Variants in REPS1 observed in about 807,000 individuals in gnomAD.
REPS1 encodes RALBP1 associated Eps domain containing 1, also known as ralBP1-associated Eps domain-containing protein 1.
Under a neutral mutation model 100.9 loss-of-function variants are expected in REPS1, and 39 were observed. That is an observed-to-expected ratio of 0.39 (90% confidence interval 0.30 to 0.50). The LOEUF (loss-of-function observed/expected upper bound fraction) is 0.50. Among genes scored for constraint, REPS1 ranks in the 20% least tolerant of loss-of-function variants. The probability of loss-of-function intolerance (pLI) is 0.86; values close to 1 mark genes in which losing one functional copy is unlikely to be tolerated. For missense variants in REPS1, 821 were observed against 968.5 expected (o/e 0.85, Z 2.02); for synonymous variants, 324 against 340.3 (o/e 0.95, Z 0.53).
chr6:138,944,366 G>A (rs1334590316), intron 5 of REPS1, 132 bp downstream of exon 5: 20 of 945,302 alleles, frequency 2.1e-5, no homozygotes, highest in South Asian at 1.7e-4. Context: ...AATGCACAGA[G>A]CAGAATTTTG....
chr6:138,944,750 G>T, intron 4 of REPS1, 128 bp from the exon 5 acceptor site: 1 of 783,046 alleles, frequency 1.3e-6, no homozygotes, highest in Non-Finnish European at 2.0e-6. Context: ...TGTTCTATTA[G>T]AAATTATACC....
rs188946185 is a variant in REPS1 at position 138,934,187 on chromosome 6, G to C, written c.1136-4089C>G. The C allele has an allele frequency of 2.3e-5, 8 of 354,326 alleles. No individual in the cohort carries two copies. In the East Asian group the frequency reaches 6.2e-4, roughly 27 times the overall value. 21.9% of individuals were successfully genotyped at this position (354,326 alleles called of 1,614,324 possible). ...CCCACAAATGTTAGTCTTTAAGACT[G>C]TATTTTTCCGGAGGCAGGGGTGTAG... On this transcript the variant is annotated intron_variant, in intron 8 of 19. Transcript: ENST00000450536.
intron 17 of REPS1, 106 bp from the exon 18 acceptor site, chr6:138,908,922 G>C (rs756890412): frequency 2.0e-5 from 20 of 994,646 alleles, no homozygotes; most frequent in Non-Finnish European, 2.6e-5. Context: ...TTGGAAAATT[G>C]AAAGTTACTT....
intron 1 of REPS1, among the ~76,000 whole-genome samples, chr6:138,974,557 G>A (rs554705346): frequency 3.3e-5 from 5 of 152,168 alleles, no homozygotes; most frequent in South Asian, 4.1e-4. Flanking sequence ...GGTGCCTTTG[G>A]GTTTAATATC....
chr6:138,975,322 C>A (rs947838357), intron 1 of REPS1, among the ~76,000 whole-genome samples: 1 of 152,090 alleles, frequency 6.6e-6, no homozygotes, highest in African/African-American at 2.4e-5. Context: ...AGAGAGCAAA[C>A]CCTCAAATTA....
rs144491625 is a variant in REPS1, at chr6:138,954,471, A to C, written c.154-6558T>G. Among the ~76,000 whole-genome samples the C allele has an allele frequency of 4.6e-5, 7 of 151,754 alleles. No homozygotes were observed. In the East Asian group the frequency reaches 1.4e-3, roughly 29 times the overall value. ...AGAACTGTTTTGGGCCACATATAAA[A>C]TACACTAAAACTAACAATAGATGAT... On this transcript the variant is annotated intron_variant, in intron 1 of 19. Coordinates refer to ENST00000450536, the MANE Select transcript of REPS1 (RefSeq NM_001286611.2).
chr6:138,919,051 T>C (rs1780587567), intron 12 of REPS1, among the ~76,000 whole-genome samples: 1 of 152,216 alleles, frequency 6.6e-6, no homozygotes, highest in Non-Finnish European at 1.5e-5. Context: ...CTGGATATTT[T>C]AACAGGCACC....
intron 13 of REPS1, among the ~76,000 whole-genome samples, chr6:138,916,913 T>A (rs999667784): frequency 6.6e-6 from 1 of 152,176 alleles, no homozygotes; most frequent in Non-Finnish European, 1.5e-5. Context: ...AAGAACTACA[T>A]GAAGAATCAG....
intron 1 of REPS1, among the ~76,000 whole-genome samples, chr6:138,956,421 C>T (rs1428214962): frequency 6.6e-6 from 1 of 151,900 alleles, no homozygotes; most frequent in Non-Finnish European, 1.5e-5. Flanking sequence ...AGATCCCCAT[C>T]TCCACTGCTG....
At chr6:138,948,470 T>G (rs1782781747) in intron 1 of REPS1, among the ~76,000 whole-genome samples, 1 of 152,216 alleles carries the variant, frequency 6.6e-6, no homozygotes, top group Non-Finnish European at 1.5e-5. Flanking sequence ...TTAATATGGC[T>G]ACACTACTCT....
At chr6:138,955,260 G>A (rs1783299292) in intron 1 of REPS1, among the ~76,000 whole-genome samples, 1 of 151,824 alleles carries the variant, frequency 6.6e-6, no homozygotes, top group Non-Finnish European at 1.5e-5. Flanking sequence ...GATCAGCCTG[G>A]GCAACATGGT....
chr6:138,945,314 C>T lies in REPS1; in HGVS notation c.533G>A (p.Trp178Ter). ...GCTGGGATGACGGCTGTGCTTCCTC[C>T]ATGTGTGTGGAGAAGTTGGTGGGGA... Reference protein sequence around the residue: ...QQSPPTSPHTWRKHSRHPSGG... With the variant: ...QQSPPTSPHT Residue 178 changes from tryptophan (W) to a stop codon, truncating the protein, a stop_gained, in exon 4 of 20, where the codon TGG (tryptophan) becomes TAG (stop). Coordinates refer to ENST00000450536, the MANE Select transcript of REPS1 (RefSeq NM_001286611.2). LOFTEE classifies it high-confidence loss of function. 6.2e-7 allele frequency: 1 copy of T among 1,612,490 alleles called. No homozygotes were observed. The highest frequency in any genetic ancestry group is 8.5e-7 in the Non-Finnish European group (1 of 1,179,668).
At chr6:138,983,898 T>C (rs1470670780) in intron 1 of REPS1, among the ~76,000 whole-genome samples, 2 of 152,172 alleles carry the variant, frequency 1.3e-5, no homozygotes, top group Non-Finnish European at 2.9e-5. Flanking sequence ...CATCTAAGAA[T>C]GTCTGAAACC....
intron 1 of REPS1, among the ~76,000 whole-genome samples, chr6:138,961,725 G>A (rs1191592969): frequency 6.6e-6 from 1 of 152,204 alleles, no homozygotes; most frequent in Non-Finnish European, 1.5e-5. Context: ...AGGGTCTGGA[G>A]ACCATACTTT....
At chr6:138,943,368 A>T (rs1782389400) in intron 7 of REPS1, 145 bp downstream of exon 7, 1 of 511,932 alleles carries the variant, frequency 2.0e-6, no homozygotes, top group Non-Finnish European at 3.5e-6. Flanking sequence ...AATAAGAGAG[A>T]AGCTGGCTAT....
At chr6:138,947,707 A>G (rs1379630273) in intron 2 of REPS1, 83 bp downstream of exon 2, 1 of 1,230,730 alleles carries the variant, frequency 8.1e-7, no homozygotes, top group East Asian at 2.6e-5. Flanking sequence ...ATAAGATCAG[A>G]AAGACACAAG....
Position 138,921,139 on chromosome 6 carries a change from G to A in REPS1, c.1339-15C>T, listed in dbSNP as rs750567245. On this transcript the variant is annotated splice_polypyrimidine_tract_variant and intron_variant, in intron 10 of 19. Transcript: ENST00000450536. Reference sequence around the variant, plus strand: ...ATAGCAGTATCCTAGAGACAAATGGGAGGAAATAAAGAATTTGTATTAAAA... The same window carrying A: ...ATAGCAGTATCCTAGAGACAAATGGAAGGAAATAAAGAATTTGTATTAAAA... 2 of 1,516,684 alleles carry A rather than the reference G, an allele frequency of 1.3e-6. No individual in the cohort carries two copies. Among genetic ancestry groups the A allele is most frequent in the South Asian group, 2.4e-5 (2 of 84,616 alleles). The allele number at this position is 1,516,684 out of a possible 1,614,324, so 94.0% of individuals were successfully genotyped here. A position where few individuals can be genotyped will look rare whatever the true frequency, so the allele number is the denominator to read the frequency against.
chr6:138,916,020 A>G (rs1191138897), intron 13 of REPS1, 44 bp from the exon 14 acceptor site: 1 of 1,397,052 alleles, frequency 7.2e-7, no homozygotes, highest in Non-Finnish European at 1.0e-6. Flanking sequence ...TACTGATATC[A>G]GAGCTTTTTT....
chr6:138,978,400 C>T (rs1297803830), intron 1 of REPS1, among the ~76,000 whole-genome samples: 1 of 151,374 alleles, frequency 6.6e-6, no homozygotes. Context: ...GCCTCCCAGG[C>T]TTAAACCATC....
Sources: gnomAD v4.1 joint callset for allele counts (sites outside exome capture counted in the v4.1 genomes callset) on GRCh38, gnomAD v4.1.1 for gene constraint, MANE v1.5 for transcripts, NCBI Gene and HGNC (gene_info 2026-07-23, HGNC 2026-07-21) for gene names.